Variants in RCN1 observed in about 807,000 individuals in gnomAD.
RCN1 encodes the protein reticulocalbin-1.
A neutral mutation model predicts 34.7 loss-of-function variants in RCN1; 14 were observed. The ratio of observed to expected loss-of-function variants is 0.40; its 90% CI spans 0.27 to 0.63. The LOEUF (loss-of-function observed/expected upper bound fraction) is 0.63. Among genes scored for constraint, RCN1 ranks in the 30% least tolerant of loss-of-function variants. The pLI is 0.37. For synonymous variants in RCN1, 125 were observed against 165.5 expected, an observed-to-expected ratio of 0.76 and a Z score of 1.88; for missense variants, 326 against 425.1, an observed-to-expected ratio of 0.77 and a Z score of 2.05.
At chr11:32,095,664 T>C (rs1365808848) in intron 1 of RCN1, among the ~76,000 whole-genome samples, 1 of 152,098 alleles carries the variant, frequency 6.6e-6, no homozygotes, top group Non-Finnish European at 1.5e-5. Flanking sequence ...TGCCTCGGCC[T>C]CCCAAAGTTC....
chr11:32,094,680 C>T (rs1851953679), intron 1 of RCN1, among the ~76,000 whole-genome samples: 1 of 152,186 alleles, frequency 6.6e-6, no homozygotes. Flanking sequence ...AGATTATTGT[C>T]TTTAGTGAGG....
At chr11:32,100,210 G>C (rs1406243519) in intron 3 of RCN1, among the ~76,000 whole-genome samples, 1 of 152,260 alleles carries the variant, frequency 6.6e-6, no homozygotes, top group South Asian at 2.1e-4. Context: ...TCTCACACTG[G>C]GTTTCTCGCA....
At chr11:32,092,098 A>G (rs1432586449) in intron 1 of RCN1, among the ~76,000 whole-genome samples, 2 of 151,964 alleles carry the variant, frequency 1.3e-5, no homozygotes, top group Non-Finnish European at 2.9e-5. Flanking sequence ...ACCTGAGGTC[A>G]GGAGTTCGAG....
In RCN1 at chr11:32,091,361, C is replaced by T. The variant is rs1274056560; in HGVS notation, c.165C>T (p.Ser55=). 1 of 1,549,530 alleles carries T rather than the reference C, an allele frequency of 6.5e-7. No homozygotes were observed. Among genetic ancestry groups the T allele is most frequent in the Non-Finnish European group, 8.7e-7 (1 of 1,146,428 alleles). ...AGCGGCCCCCTGAGGACAACCAGAG[C>T]TTCCAGTACGACCACGAGGCCTTCC... The part of the protein sequence containing the change: ...LGERPPEDNQ[S]FQYDHEAFLG... The change falls in exon 1 of 6, where the codon AGC becomes AGT. Residue 55 remains serine, a synonymous_variant. Coordinates refer to ENST00000054950, the MANE Select transcript of RCN1 (RefSeq NM_002901.4).
In RCN1 at chr11:32,105,528, A is replaced by G. The variant is rs912960917; in HGVS notation, c.*1056A>G. The G allele has an allele frequency of 3.3e-5, 5 of 152,194 alleles. No homozygotes were observed. Among genetic ancestry groups the G allele is most frequent in the African/African-American group, 9.7e-5 (4 of 41,448 alleles). The allele number at this position is 152,194 out of a possible 1,614,324, so 9.4% of individuals were successfully genotyped here. A position where few individuals can be genotyped will look rare whatever the true frequency, so the allele number is the denominator to read the frequency against. On this transcript the variant is annotated 3_prime_UTR_variant, in exon 6 of 6. Transcript: ENST00000054950. ...AGTGAATGAAATAAAGGATCCCCCTAAGGATTTTCTACTGTGTCCTGTGGT... is the reference window on the plus strand; with the variant it reads ...AGTGAATGAAATAAAGGATCCCCCTGAGGATTTTCTACTGTGTCCTGTGGT...
intron 2 of RCN1, among the ~76,000 whole-genome samples, chr11:32,097,611 C>T (rs1018548050): frequency 2.0e-5 from 3 of 152,142 alleles, no homozygotes; most frequent in Admixed American, 6.5e-5. Flanking sequence ...GATGCACACA[C>T]GGAGAAGAAA....
At chr11:32,093,220 G>A (rs754963632) in intron 1 of RCN1, among the ~76,000 whole-genome samples, 16 of 152,136 alleles carry the variant, frequency 1.1e-4, no homozygotes, top group African/African-American at 1.4e-4. Flanking sequence ...AAAAAGTGAC[G>A]GTGAAGTTGG....
Position 32,097,266 on chromosome 11 carries a change from A to T in RCN1, c.377A>T (p.Asp126Val), listed in dbSNP as rs1851983292. 1 of 1,604,336 alleles carries T rather than the reference A, an allele frequency of 6.2e-7. No individual in the cohort carries two copies. Among genetic ancestry groups the T allele is most frequent in the Admixed American group, 1.7e-5 (1 of 57,292 alleles). Residue 126 changes from aspartate (D) to valine (V), a missense_variant, in exon 2 of 6, where the codon GAT becomes GTT. Physicochemically the swap from Asp to Val is radical, Grantham distance 152. Coordinates refer to ENST00000054950, the MANE Select transcript of RCN1 (RefSeq NM_002901.4). ...GATAATGTCGCCAAAGTCTGGAAGG[A>T]TTATGATAGGGACAAGGATGATAAA... ...IFDNVAKVWKDYDRDKDDKIS... is the reference protein window; with the variant it reads ...IFDNVAKVWKVYDRDKDDKIS...
rs1407609455 is a variant in RCN1 at position 32,104,952 on chromosome 11, G to C, written c.*480G>C. On this transcript the variant is annotated 3_prime_UTR_variant, in exon 6 of 6. Coordinates refer to ENST00000054950, the MANE Select transcript of RCN1 (RefSeq NM_002901.4). ...CCTAGGTAAGCTTATTTCAGAACAA[G>C]TCTAATATTTCAGATTCTTTCTTTT... 2.9e-5 allele frequency: 5 copies of C among 169,580 alleles called. No individual in the cohort carries two copies. Among genetic ancestry groups the C allele is most frequent in the African/African-American group, 9.6e-5 (4 of 41,466 alleles). The allele number at this position is 169,580 out of a possible 1,614,324, so 10.5% of individuals were successfully genotyped here.
At chr11:32,100,510 T>A in intron 3 of RCN1, 38 bp from the exon 4 acceptor site, 1 of 1,533,124 alleles carries the variant, frequency 6.5e-7, no homozygotes, top group Non-Finnish European at 9.0e-7. Context: ...TTAGAGCACA[T>A]GGCCATCTTG....
intron 3 of RCN1, among the ~76,000 whole-genome samples, chr11:32,099,035 G>C (rs1279615471): frequency 6.6e-6 from 1 of 152,120 alleles, no homozygotes; most frequent in Non-Finnish European, 1.5e-5. Context: ...AAGAGTAAAT[G>C]GGGCCCAGGC....
In RCN1 at chr11:32,091,096, C is replaced by T; in HGVS notation, c.-101C>T. 1 of 1,327,066 alleles carries T rather than the reference C, an allele frequency of 7.5e-7. No homozygotes were observed. The highest frequency in any genetic ancestry group is 9.7e-7 in the Non-Finnish European group (1 of 1,033,324). 82.2% of individuals were successfully genotyped at this position (1,327,066 alleles called of 1,614,324 possible). A position where few individuals can be genotyped will look rare whatever the true frequency, so the allele number is the denominator to read the frequency against. ...GCCAGTCCCCTCCTCCGCGCCGGCC[C>T]CAACCCTGTCGCTGCCGCCGCGCTC... On this transcript the variant is annotated 5_prime_UTR_variant, in exon 1 of 6. Transcript: ENST00000054950.
Position 32,098,375 on chromosome 11 carries a change from T to C in RCN1, c.474T>C (p.Ser158=), listed in dbSNP as rs769843675. Residue 158 remains serine (S), a synonymous_variant, in exon 3 of 6, where the codon TCT becomes TCC. Transcript: ENST00000054950. ...GAAACCCCGCAGAGTTTCATGATTC[T>C]TCAGATCATCACACCTTTAAAAAGA... ...YLGNPAEFHD[S]SDHHTFKKML... 8.7e-6 allele frequency: 14 copies of C among 1,613,058 alleles called. 1 individual carries two copies. The highest frequency in any genetic ancestry group is 6.8e-6 in the Non-Finnish European group (8 of 1,179,722).
At chr11:32,094,495 C>T (rs1353236579) in intron 1 of RCN1, among the ~76,000 whole-genome samples, 1 of 152,132 alleles carries the variant, frequency 6.6e-6, no homozygotes. Context: ...CTCCAAGTGG[C>T]CATAGGTCCC....
In RCN1 at chr11:32,105,016, G is replaced by A. The variant is rs868671239; in HGVS notation, c.*544G>A. The A allele has an allele frequency of 1.8e-5, 3 of 167,648 alleles. No homozygotes were observed. Among genetic ancestry groups the A allele is most frequent in the Middle Eastern group, 3.4e-3 (1 of 298 alleles). The allele number at this position is 167,648 out of a possible 1,614,324, so 10.4% of individuals were successfully genotyped here. A position where few individuals can be genotyped will look rare whatever the true frequency, so the allele number is the denominator to read the frequency against. On this transcript the variant is annotated 3_prime_UTR_variant, in exon 6 of 6. Coordinates refer to ENST00000054950, the MANE Select transcript of RCN1 (RefSeq NM_002901.4). ...TGAGTTATTACTTACTGTAAGTGGTGTATATGAAACCTCCATGCATTTTCC... is the reference window on the plus strand; with the variant it reads ...TGAGTTATTACTTACTGTAAGTGGTATATATGAAACCTCCATGCATTTTCC...
In RCN1 at chr11:32,104,532, T is replaced by A. The variant is rs1852086033; in HGVS notation, c.*60T>A. The A allele has an allele frequency of 3.2e-6, 3 of 933,070 alleles. No individual in the cohort carries two copies. In the East Asian group the frequency reaches 7.7e-5, roughly 24 times the overall value. The allele number at this position is 933,070 out of a possible 1,614,324, so 57.8% of individuals were successfully genotyped here. A position where few individuals can be genotyped will look rare whatever the true frequency, so the allele number is the denominator to read the frequency against. ...GCATTCTGTTATTGTCTTGGATTGT[T>A]GCTACAATTGTCTAATTTACAGCAG... On this transcript the variant is annotated 3_prime_UTR_variant, in exon 6 of 6. Coordinates refer to ENST00000054950, the MANE Select transcript of RCN1 (RefSeq NM_002901.4).
Position 32,098,433 on chromosome 11 carries a change from G to A in RCN1, c.532G>A (p.Ala178Thr). 2.5e-6 allele frequency: 4 copies of A among 1,614,108 alleles called. No individual in the cohort carries two copies. The highest frequency in any genetic ancestry group is 2.2e-5 in the South Asian group (2 of 91,072). The change falls in exon 3 of 6, where the codon GCA becomes ACA. Residue 178 changes from alanine to threonine, a missense_variant. Ala to Thr is a moderately conservative substitution (Grantham distance 58). Coordinates refer to ENST00000054950, the MANE Select transcript of RCN1 (RefSeq NM_002901.4). ...LPRDERRFKA[A>T]DLNGDLTATR... Reference sequence around the variant, plus strand: ...ACGTGATGAGAGAAGATTCAAAGCTGCAGACCTCAATGGTGACCTGACAGC... The same window carrying A: ...ACGTGATGAGAGAAGATTCAAAGCTACAGACCTCAATGGTGACCTGACAGC...
Position 32,091,236 on chromosome 11 carries a change from C to G in RCN1, c.40C>G (p.Leu14Val). Residue 14 changes from leucine to valine, a missense_variant, in exon 1 of 6, where the codon CTG (leucine) becomes GTG (valine). Leu to Val is a conservative substitution (Grantham distance 32). Transcript: ENST00000054950. ...CCGCGGCCGCCGCCTGGGGTTAGCC[C>G]TGGGGCTGCTGCTGGCGCTGGTGCT... The part of the protein sequence containing the change: ...GGRGRRLGLA[L>V]GLLLALVLAP... 6.5e-7 allele frequency: 1 copy of G among 1,527,878 alleles called. No homozygotes were observed. 94.6% of individuals were successfully genotyped at this position (1,527,878 alleles called of 1,614,324 possible).
rs924403005 is a variant in RCN1 at position 32,091,272 on chromosome 11, G to A, written c.76G>A (p.Val26Ile). 5.2e-6 allele frequency: 8 copies of A among 1,539,326 alleles called. No homozygotes were observed. The highest frequency in any genetic ancestry group is 2.3e-4 in the Middle Eastern group (1 of 4,350). Residue 26 changes from valine (V) to isoleucine (I), a missense_variant, in exon 1 of 6, where the codon GTT becomes ATT. Physicochemically the swap from Val to Ile is conservative, Grantham distance 29 (BLOSUM62 3). Coordinates refer to ENST00000054950, the MANE Select transcript of RCN1 (RefSeq NM_002901.4). Reference sequence around the variant, plus strand: ...GCTGGCGCTGGTGCTGGCGCCGCGGGTTCTGCGGGCCAAGCCCACGGTGCG... The same window carrying A: ...GCTGGCGCTGGTGCTGGCGCCGCGGATTCTGCGGGCCAAGCCCACGGTGCG... ...LLLALVLAPR[V>I]LRAKPTVRKE...
Sources: gnomAD v4.1 joint callset for allele counts (sites outside exome capture counted in the v4.1 genomes callset) on GRCh38, gnomAD v4.1.1 for gene constraint, MANE v1.5 for transcripts, NCBI Gene and HGNC (gene_info 2026-07-23, HGNC 2026-07-21) for gene names.